Variants in CAMK1D observed in about 807,000 individuals in gnomAD.
The protein encoded by CAMK1D is calcium/calmodulin-dependent protein kinase type 1D.
CAMK1D carries 9 observed loss-of-function variants against 47.7 expected under a neutral mutation model. That is an observed-to-expected ratio of 0.19 (90% confidence interval 0.11 to 0.33). CAMK1D has a LOEUF of 0.33. CAMK1D is among the 10% of genes least tolerant of loss of function. CAMK1D has a pLI of 1.00. For synonymous variants in CAMK1D, 184 were observed against 184.9 expected, an observed-to-expected ratio of 0.99 and a Z score of 0.04; for missense variants, 291 against 488.7, an observed-to-expected ratio of 0.60 and a Z score of 3.81.
intron 1 of CAMK1D, among the ~76,000 whole-genome samples, chr10:12,498,575 A>G (rs1189014865): frequency 1.3e-5 from 2 of 152,240 alleles, no homozygotes; most frequent in African/African-American, 4.8e-5. Flanking sequence ...GGAACACTTC[A>G]GGAAGCGTTG....
At chr10:12,722,440 C>T (rs553547492) in intron 3 of CAMK1D, among the ~76,000 whole-genome samples, 1 of 105,056 alleles carries the variant, frequency 9.5e-6, no homozygotes, top group Non-Finnish European at 1.8e-5. Context: ...AAGTGAGACT[C>T]CGCCTCAAAA....
chr10:12,676,169 G>A (rs932997385), intron 3 of CAMK1D, among the ~76,000 whole-genome samples: 2 of 152,152 alleles, frequency 1.3e-5, no homozygotes, highest in African/African-American at 4.8e-5. Flanking sequence ...GGCCTGGCTG[G>A]TCTCTAATTC....
chr10:12,822,900 T>C (rs1388478280), intron 8 of CAMK1D, among the ~76,000 whole-genome samples: 1 of 152,234 alleles, frequency 6.6e-6, no homozygotes, highest in Non-Finnish European at 1.5e-5. Context: ...CAGTTGACAG[T>C]TGTTGGAAAT....
At chr10:12,429,417 G>A (rs1409791235) in intron 1 of CAMK1D, among the ~76,000 whole-genome samples, 1 of 151,780 alleles carries the variant, frequency 6.6e-6, no homozygotes, top group Non-Finnish European at 1.5e-5. Flanking sequence ...TCGGCTCATT[G>A]CAACCTCTGC....
chr10:12,513,931 A>G (rs1193169152), intron 1 of CAMK1D, among the ~76,000 whole-genome samples: 3 of 152,196 alleles, frequency 2.0e-5, no homozygotes. Flanking sequence ...GTATCTCTAC[A>G]TTCATCTGTG....
intron 2 of CAMK1D, among the ~76,000 whole-genome samples, chr10:12,601,204 T>G (rs199506475): frequency 0.022 from 3,406 of 151,712 alleles, 111 homozygotes; most frequent in African/African-American, 0.066. Context: ...TTTTTTTTTT[T>G]TTTTTGCTCA....
chr10:12,386,625 TAAC>T (rs1838503894), intron 1 of CAMK1D, among the ~76,000 whole-genome samples: 4 of 152,174 alleles, frequency 2.6e-5, no homozygotes, highest in Admixed American at 2.0e-4. Context: ...AAAAATAAGT[TAAC>T]AAATAATATG....
chr10:12,375,708 T>TTA (rs1227660088), intron 1 of CAMK1D, among the ~76,000 whole-genome samples: 1 of 152,188 alleles, frequency 6.6e-6, no homozygotes, highest in African/African-American at 2.4e-5. Flanking sequence ...ATTACTCTAT[T>TTA]ATTTCCTCGT....
intron 1 of CAMK1D, among the ~76,000 whole-genome samples, chr10:12,379,916 A>G (rs1838290844): frequency 6.6e-6 from 1 of 152,010 alleles, no homozygotes; most frequent in Non-Finnish European, 1.5e-5. Flanking sequence ...AGGACTTTTA[A>G]AAAAAAGGGT....
intron 3 of CAMK1D, among the ~76,000 whole-genome samples, chr10:12,725,883 A>G (rs1015675477): frequency 2.0e-5 from 3 of 151,782 alleles, no homozygotes; most frequent in Non-Finnish European, 2.9e-5. Flanking sequence ...CAGCCTCCCA[A>G]GTAGCTGGCA....
chr10:12,610,231 C>G (rs1838579979), intron 2 of CAMK1D, among the ~76,000 whole-genome samples: 1 of 152,186 alleles, frequency 6.6e-6, no homozygotes, highest in Admixed American at 6.5e-5. Context: ...ACAGCCTGAT[C>G]TCCGGAGTCA....
rs1206974177 is a variant in CAMK1D, at chr10:12,349,864, G to A, written c.46G>A (p.Ala16Thr). The change falls in exon 1 of 11, where the codon GCT (alanine) becomes ACT (threonine). Residue 16 changes from alanine (A) to threonine (T), a missense_variant. This residue lies in a region of CAMK1D where 219 missense variants were observed against 424.3 expected (regional missense o/e 0.52). Coordinates refer to ENST00000619168, the MANE Select transcript of CAMK1D (RefSeq NM_153498.4). The stretch of plus-strand genomic sequence containing the variant: ...GAGCAGCTCCTCCTGGAAAAAGCAA[G>A]CTGAAGACATCAAGAAGATCTTCGA... Reference protein sequence around the residue: ...GESSSSWKKQAEDIKKIFEFK... With the variant: ...GESSSSWKKQTEDIKKIFEFK... 6.5e-7 allele frequency: 1 copy of A among 1,548,170 alleles called. No homozygotes were observed. The highest frequency in any genetic ancestry group is 8.7e-7 in the Non-Finnish European group (1 of 1,146,978).
chr10:12,665,461 G>T lies in CAMK1D; in HGVS notation c.225-1275G>T, dbSNP rs192549309. 7.2e-5 allele frequency among the ~76,000 whole-genome samples: 11 copies of T among 152,310 alleles called. No homozygotes were observed. In the East Asian group the frequency reaches 2.1e-3, roughly 29 times the overall value. On this transcript the variant is annotated intron_variant, in intron 2 of 10. Transcript: ENST00000619168. ...CCTTTCAATATCATTCATTCATTCA[G>T]CAAGCATTTATTCAGCAGATCTGTG... is the stretch of plus-strand genomic sequence containing the variant.
intron 4 of CAMK1D, 52 bp from the exon 5 acceptor site, chr10:12,769,621 T>C: frequency 6.3e-7 from 1 of 1,599,258 alleles, no homozygotes; most frequent in Non-Finnish European, 8.5e-7. Flanking sequence ...CTTCCACAAT[T>C]AACCCAGCTT....
At chr10:12,777,105 A>G (rs1205702438) in intron 5 of CAMK1D, among the ~76,000 whole-genome samples, 1 of 152,144 alleles carries the variant, frequency 6.6e-6, no homozygotes, top group Admixed American at 6.5e-5. Flanking sequence ...TGCGTTTTAA[A>G]GCCGTGAACC....
At chr10:12,469,799 T>G (rs986045688) in intron 1 of CAMK1D, among the ~76,000 whole-genome samples, 15 of 152,256 alleles carry the variant, frequency 9.9e-5, no homozygotes, top group African/African-American at 3.4e-4. Context: ...AATGCATGTG[T>G]TAGATTCATC....
chr10:12,416,241 C>A (rs1283305733), intron 1 of CAMK1D, among the ~76,000 whole-genome samples: 1 of 151,598 alleles, frequency 6.6e-6, no homozygotes, highest in African/African-American at 2.4e-5. Context: ...ATGGAGAAGT[C>A]GCTGGAAATG....
intron 1 of CAMK1D, among the ~76,000 whole-genome samples, chr10:12,367,251 G>A (rs1394919575): frequency 6.6e-6 from 1 of 152,096 alleles, no homozygotes; most frequent in Non-Finnish European, 1.5e-5. Flanking sequence ...CCTGCTTTCT[G>A]CTAAGCTGCA....
chr10:12,791,809 C>T (rs1837992381), intron 6 of CAMK1D, among the ~76,000 whole-genome samples: 1 of 152,194 alleles, frequency 6.6e-6, no homozygotes, highest in African/African-American at 2.4e-5. Context: ...AAATCCCTGC[C>T]TTCACTTCTT....
Sources: allele counts gnomAD v4.1 joint callset (sites outside exome capture counted in the v4.1 genomes callset), GRCh38; gene constraint gnomAD v4.1.1; regional missense constraint gnomAD v4.1.1; transcripts MANE v1.5; gene names NCBI Gene and HGNC (gene_info 2026-07-23, HGNC 2026-07-21).